The following TSBP1 variants were observed in gnomAD, a reference collection of about 807,000 sequenced individuals.
The protein encoded by TSBP1 is testis-expressed basic protein 1.
In TSBP1, 56 loss-of-function variants were observed where a neutral mutation model predicts 68.8. The ratio of observed to expected loss-of-function variants is 0.81; its 90% CI spans 0.66 to 1.02. TSBP1 has a LOEUF of 1.02. TSBP1 is among the 50% of genes least tolerant of loss of function. The pLI is 0.00. For synonymous variants in TSBP1, 171 were observed against 208.7 expected, an observed-to-expected ratio of 0.82 and a Z score of 1.56; for missense variants, 502 against 641.2, an observed-to-expected ratio of 0.78 and a Z score of 2.34.
In TSBP1 at chr6:32,325,676, G is replaced by A. The variant is rs1768142320; in HGVS notation, c.515-2062C>T. Reference sequence around the variant, plus strand: ...AAGGGGATTTGCCTTTGTAACCTTTGATGACCATGACTCCGTGGATAAGAC... The same window carrying A: ...AAGGGGATTTGCCTTTGTAACCTTTAATGACCATGACTCCGTGGATAAGAC... On this transcript the variant is annotated intron_variant, in intron 16 of 22. Coordinates refer to ENST00000612031, the Ensembl canonical transcript of TSBP1. The surrounding 1 kb of genome is among the most constrained non-coding windows in gnomAD (Gnocchi z 4.4). The A allele has an allele frequency of 4.7e-6, 5 of 1,067,732 alleles. No individual in the cohort carries two copies. The Admixed American group carries it at 5.1e-5, about 11-fold the overall frequency. The allele number at this position is 1,067,732 out of a possible 1,614,324, so 66.1% of individuals were successfully genotyped here. A position where few individuals can be genotyped will look rare whatever the true frequency, so the allele number is the denominator to read the frequency against.
chr6:32,369,169 C>T (rs1192974193), intron 2 of TSBP1, among the ~76,000 whole-genome samples: 1 of 152,066 alleles, frequency 6.6e-6, no homozygotes, highest in African/African-American at 2.4e-5. Context: ...TCGACAAGTA[C>T]TACTCTGTAT....
At chr6:32,328,252 TTG>T (rs1476987315) in intron 16 of TSBP1, among the ~76,000 whole-genome samples, 1 of 151,228 alleles carries the variant, frequency 6.6e-6, no homozygotes, top group Non-Finnish European at 1.5e-5. Flanking sequence ...TCATTTTTTT[TTG>T]TGTGTGTTTT....
chr6:32,367,781 AAGAG>A (rs3038543), intron 4 of TSBP1, 140 bp downstream of exon 4: 141 of 518,144 alleles, frequency 2.7e-4, no homozygotes, highest in African/African-American at 2.3e-3. Context: ...TTTCTTGAGA[AAGAG>A]AGGAGTGATA....
chr6:32,366,191 G>A lies in TSBP1; in HGVS notation c.197-4C>T. ...CCTCGGTTATCATATGAAGTGTCTA[G>A]AGAATTGAAGAAAAATTATAAGATT... On this transcript the variant is annotated splice_polypyrimidine_tract_variant and splice_region_variant and intron_variant, in intron 5 of 22. Transcript: ENST00000612031. The A allele has an allele frequency of 6.3e-7, 1 of 1,594,642 alleles. No individual in the cohort carries two copies. The highest frequency in any genetic ancestry group is 8.5e-7 in the Non-Finnish European group (1 of 1,173,442).
At chr6:32,297,026 A>G (rs1418891621) in intron 22 of TSBP1, among the ~76,000 whole-genome samples, 4 of 152,158 alleles carry the variant, frequency 2.6e-5, no homozygotes, top group African/African-American at 9.7e-5. Flanking sequence ...CATAGATTAG[A>G]TTTACAGGAT....
intron 10 of TSBP1, chr6:32,339,309 A>G: frequency 3.7e-6 from 2 of 537,738 alleles, no homozygotes; most frequent in Non-Finnish European, 6.6e-6. Flanking sequence ...AAGAATTTCC[A>G]CTTTGTTAAA....
intron 9 of TSBP1, among the ~76,000 whole-genome samples, chr6:32,348,998 C>T (rs563939377): frequency 1.1e-3 from 167 of 152,166 alleles, no homozygotes; most frequent in Non-Finnish European, 1.8e-3. Flanking sequence ...TAATTTTAGA[C>T]AAAATGCTCA....
exon 23 of TSBP1, chr6:32,293,514 G>C (rs61995678): frequency 0.02 from 32,339 of 1,609,376 alleles, 928 homozygotes; most frequent in African/African-American, 0.13. Context: ...ACACCAGACT[G>C]ACTCTTCTTT....
At chr6:32,323,135 G>A in exon 18 of TSBP1, 2 of 1,580,988 alleles carry the variant, frequency 1.3e-6, no homozygotes, top group Non-Finnish European at 1.7e-6. Flanking sequence ...GCCATGGGTG[G>A]ACCTAAAAAC....
At chr6:32,342,631 G>A (rs1226693857) in intron 9 of TSBP1, among the ~76,000 whole-genome samples, 2 of 152,126 alleles carry the variant, frequency 1.3e-5, no homozygotes, top group Non-Finnish European at 2.9e-5. Context: ...TTAACTGCTA[G>A]GCAATACTCC....
chr6:32,300,611 A>G, intron 21 of TSBP1, 69 bp downstream of exon 24: 2 of 1,392,770 alleles, frequency 1.4e-6, no homozygotes, highest in Non-Finnish European at 2.0e-6. Context: ...ACACAAGAAC[A>G]TTTGGGAAAA....
intron 18 of TSBP1, chr6:32,320,181 T>C: frequency 2.2e-6 from 1 of 456,734 alleles, no homozygotes; most frequent in Non-Finnish European, 4.4e-6. Context: ...GTGGCTCTCT[T>C]CTTGGTGGCT....
Position 32,336,599 on chromosome 6 carries a change from CAAACTTGATACTT to C in TSBP1, c.430+3_430+15del. On this transcript the variant is annotated splice_donor_5th_base_variant and intron_variant, in intron 12 of 22. Transcript: ENST00000612031. The surrounding 1 kb of genome is among the most constrained non-coding windows in gnomAD (Gnocchi z 5.2). ...TATCAAAGGGACCAGAGTGGAAAAA[CAAACTTGATACTT>C]ACGAATAGGGGCTGTGAATTGCACT... 1 of 1,610,840 alleles carries C rather than the reference CAAACTTGATACTT, an allele frequency of 6.2e-7. No individual in the cohort carries two copies. The highest frequency in any genetic ancestry group is 8.5e-7 in the Non-Finnish European group (1 of 1,178,072).
At chr6:32,345,161 C>CT (rs111305323) in intron 9 of TSBP1, among the ~76,000 whole-genome samples, 2,154 of 141,150 alleles carry the variant, frequency 0.015, 34 homozygotes, top group Admixed American at 0.033. Context: ...GGCCCTTAGT[C>CT]TTTTTTTTTT....
chr6:32,302,666 A>T lies in TSBP1; in HGVS notation c.581-37T>A. On this transcript the variant is annotated intron_variant, in intron 19 of 22. Transcript: ENST00000612031. The surrounding 1 kb of genome is among the most constrained non-coding windows in gnomAD (Gnocchi z 5.1). ...AACAAGAAAATAGGTTAATGGCAGC[A>T]TTTTTGGAACAGAAGTACAGTTCTT... The T allele has an allele frequency of 6.6e-7, 1 of 1,512,378 alleles. No homozygotes were observed. The highest frequency in any genetic ancestry group is 8.9e-7 in the Non-Finnish European group (1 of 1,120,946). 93.7% of individuals were successfully genotyped at this position (1,512,378 alleles called of 1,614,324 possible).
Position 32,336,624 on chromosome 6 carries a change from C to T in TSBP1, c.421G>A (p.Ala141Thr), listed in dbSNP as rs774009812. Residue 141 changes from alanine to threonine, a missense_variant, in exon 12 of 23, where the codon GCC becomes ACC. Ala to Thr is a moderately conservative substitution (Grantham distance 58). Transcript: ENST00000612031. This position sits in a 1 kb window ranked among gnomAD's most constrained non-coding sequence, Gnocchi z 5.2. ...CAAACTTGATACTTACGAATAGGGG[C>T]TGTGAATTGCACTGAAATACAAAAA... 6.2e-7 allele frequency: 1 copy of T among 1,612,284 alleles called. No individual in the cohort carries two copies. The highest frequency in any genetic ancestry group is 1.1e-5 in the South Asian group (1 of 91,040).
chr6:32,325,448 C>G lies in TSBP1; in HGVS notation c.515-1834G>C. On this transcript the variant is annotated intron_variant, in intron 16 of 22. Coordinates refer to ENST00000612031, the Ensembl canonical transcript of TSBP1. The surrounding 1 kb of genome is among the most constrained non-coding windows in gnomAD (Gnocchi z 4.4). ...ATGCAGCCGTGAATGCAAGGCCACA[C>G]AAGGTGGATGGAAGAGCTGTGGAAC... The G allele has an allele frequency of 1.1e-6, 1 of 915,582 alleles. No homozygotes were observed. Among genetic ancestry groups the G allele is most frequent in the Non-Finnish European group, 1.8e-6 (1 of 559,116 alleles). 56.7% of individuals were successfully genotyped at this position (915,582 alleles called of 1,614,324 possible).
chr6:32,351,937 A>G (rs1771760073), intron 8 of TSBP1, among the ~76,000 whole-genome samples: 1 of 152,126 alleles, frequency 6.6e-6, no homozygotes, highest in Non-Finnish European at 1.5e-5. Context: ...CTTATCAACA[A>G]TAATAAATAA....
chr6:32,360,823 A>T (rs1171029634), intron 6 of TSBP1, among the ~76,000 whole-genome samples: 3 of 152,020 alleles, frequency 2.0e-5, no homozygotes, highest in Non-Finnish European at 4.4e-5. Context: ...TCTCTGAAAA[A>T]ATGTCTATTT....
Sources: allele counts gnomAD v4.1 joint callset (sites outside exome capture counted in the v4.1 genomes callset), GRCh38; gene constraint gnomAD v4.1.1; non-coding constraint Gnocchi (gnomAD v3.1); transcripts MANE v1.5; gene names NCBI Gene and HGNC (gene_info 2026-07-23, HGNC 2026-07-21).